The following TANC1 variants were observed in gnomAD, a reference collection of about 807,000 sequenced individuals.
TANC1 encodes protein TANC1.
TANC1 carries 77 observed loss-of-function variants against 149.7 expected under a neutral mutation model. That is an observed-to-expected ratio of 0.51 (90% CI 0.43 to 0.62). The LOEUF (loss-of-function observed/expected upper bound fraction) is 0.62, where lower values mean the gene tolerates loss of function less well. Ranked by LOEUF, TANC1 falls within the 20% of genes least tolerant of loss-of-function variation. The pLI is 0.00. For synonymous variants in TANC1, 854 were observed against 925.0 expected (o/e 0.92, Z 1.39); for missense variants, 1,985 against 2,321.8 (o/e 0.85, Z 2.98).
rs2047964719 is a variant in TANC1, at chr2:159,113,573, T to G, written c.259+15739T>G. Among the ~76,000 whole-genome samples, 3 of 152,188 alleles carry G rather than the reference T, an allele frequency of 2.0e-5. No homozygotes were observed. The South Asian group carries it at 6.2e-4, about 32-fold the overall frequency. ...ATGTTCCATCAAACTGGTCCTGACA[T>G]CTGAGATTGGGGTAAATCGCCCCTT... On this transcript the variant is annotated intron_variant, in intron 4 of 26. Coordinates refer to ENST00000263635, the MANE Select transcript of TANC1 (RefSeq NM_033394.3).
At chr2:159,120,933 C>A (rs1410478476) in intron 4 of TANC1, among the ~76,000 whole-genome samples, 1 of 152,054 alleles carries the variant, frequency 6.6e-6, no homozygotes, top group Non-Finnish European at 1.5e-5. Context: ...GCAGTTGAGG[C>A]CCACCTAGAT....
intron 4 of TANC1, among the ~76,000 whole-genome samples, chr2:159,114,943 T>C (rs1227474129): frequency 6.6e-6 from 1 of 152,214 alleles, no homozygotes; most frequent in African/African-American, 2.4e-5. Context: ...CGCAGTGATT[T>C]CATGAGCTTC....
chr2:159,105,776 A>C (rs1432338217), intron 4 of TANC1, among the ~76,000 whole-genome samples: 1 of 152,212 alleles, frequency 6.6e-6, no homozygotes, highest in African/African-American at 2.4e-5. Flanking sequence ...TTATCAGACT[A>C]TGAAAGTGAG....
At chr2:159,066,118 A>G (rs903984017) in intron 3 of TANC1, 147 bp downstream of exon 3, 22 of 704,470 alleles carry the variant, frequency 3.1e-5, no homozygotes, top group Non-Finnish European at 4.2e-5. Context: ...GCTATGAGAA[A>G]TGAAATAGGC....
Position 159,217,639 on chromosome 2 carries a change from G to A in TANC1, c.3378+9G>A, listed in dbSNP as rs878983404. ...GCCAGGGGCATTGGCAGGTACCCAG[G>A]GGGCCCCTGAATGCTTCAGAAGCAA... is the stretch of plus-strand genomic sequence containing the variant. On this transcript the variant is annotated intron_variant, in intron 20 of 26. Transcript: ENST00000263635. 6.2e-7 allele frequency: 1 copy of A among 1,613,778 alleles called. No individual in the cohort carries two copies. Among genetic ancestry groups the A allele is most frequent in the South Asian group, 1.1e-5 (1 of 91,062 alleles).
intron 5 of TANC1, among the ~76,000 whole-genome samples, chr2:159,147,303 A>T (rs2052243012): frequency 6.6e-6 from 1 of 152,172 alleles, no homozygotes; most frequent in Non-Finnish European, 1.5e-5. Context: ...TGGAGTGGAG[A>T]AACTGCGGAG....
At chr2:159,203,861 G>A (rs1271215081) in intron 19 of TANC1, among the ~76,000 whole-genome samples, 1 of 152,196 alleles carries the variant, frequency 6.6e-6, no homozygotes, top group African/African-American at 2.4e-5. Flanking sequence ...ACAGGCATGA[G>A]CCACCACACC....
chr2:159,095,017 C>T (rs2045953353), intron 3 of TANC1, among the ~76,000 whole-genome samples: 1 of 150,088 alleles, frequency 6.7e-6, no homozygotes, highest in East Asian at 2.0e-4. Context: ...GTGATCTCGG[C>T]TCACTGCAAC....
At chr2:159,085,913 T>A (rs1559230376) in intron 3 of TANC1, among the ~76,000 whole-genome samples, 1 of 152,200 alleles carries the variant, frequency 6.6e-6, no homozygotes, top group African/African-American at 2.4e-5. Context: ...TCAATGTAAA[T>A]CCTGTCATGT....
intron 7 of TANC1, among the ~76,000 whole-genome samples, chr2:159,157,967 C>A (rs1176154680): frequency 6.6e-6 from 1 of 152,074 alleles, no homozygotes; most frequent in Non-Finnish European, 1.5e-5. Flanking sequence ...TCTCAAAATG[C>A]GTATTTTCTA....
rs528759483 is a variant in TANC1, at chr2:159,119,705, A to G, written c.260-16489A>G. Reference sequence around the variant, plus strand: ...ACGATGGCCTGGGTTGCTGCAGGGGACGGCAGCAGGCACTCTTAGGAGGTG... The same window carrying G: ...ACGATGGCCTGGGTTGCTGCAGGGGGCGGCAGCAGGCACTCTTAGGAGGTG... On this transcript the variant is annotated intron_variant, in intron 4 of 26. Coordinates refer to ENST00000263635, the MANE Select transcript of TANC1 (RefSeq NM_033394.3). 8.2e-4 allele frequency among the ~76,000 whole-genome samples: 125 copies of G among 152,216 alleles called. 1 individual carries two copies. The highest frequency in any genetic ancestry group is 3.0e-3 in the African/African-American group (124 of 41,544).
At chr2:159,137,130 C>T (rs746988406) in intron 5 of TANC1, among the ~76,000 whole-genome samples, 2 of 152,190 alleles carry the variant, frequency 1.3e-5, no homozygotes, top group Non-Finnish European at 2.9e-5. Flanking sequence ...AAAGAGAACT[C>T]AACCATATTT....
At chr2:159,046,912 A>G (rs1005180883) in intron 2 of TANC1, among the ~76,000 whole-genome samples, 47 of 151,932 alleles carry the variant, frequency 3.1e-4, no homozygotes, top group African/African-American at 1.1e-3. Flanking sequence ...GCCCCTTTGC[A>G]CCATACTCGA....
intron 4 of TANC1, among the ~76,000 whole-genome samples, chr2:159,119,915 T>C (rs933915068): frequency 1.3e-5 from 2 of 152,222 alleles, no homozygotes; most frequent in African/African-American, 4.8e-5. Flanking sequence ...AAGCATGTGC[T>C]TGCCAGTGTG....
At chr2:159,149,356 G>T (rs1315293758) in intron 6 of TANC1, 84 bp downstream of exon 6, 1 of 1,581,796 alleles carries the variant, frequency 6.3e-7, no homozygotes, top group Non-Finnish European at 8.7e-7. Context: ...TCCTTGAGCA[G>T]GGAAGCCATT....
At chr2:159,172,357 T>A in intron 11 of TANC1, 85 bp downstream of exon 11, 2 of 1,273,430 alleles carry the variant, frequency 1.6e-6, no homozygotes, top group Non-Finnish European at 2.2e-6. Flanking sequence ...AAAGGGAGCT[T>A]AAAACAGAGA....
chr2:159,001,521 C>G lies in TANC1; in HGVS notation c.-16+332C>G, dbSNP rs1050760387. The stretch of plus-strand genomic sequence containing the variant: ...ATGGTTAAAACGGTAAATTTTATGT[C>G]TATTTTATCACAATGAAAAATAAAA... On this transcript the variant is annotated intron_variant, in intron 2 of 26. Transcript: ENST00000263635. The surrounding 1 kb of genome is among the most constrained non-coding windows in gnomAD (Gnocchi z 4.3). Among the ~76,000 whole-genome samples the G allele has an allele frequency of 6.6e-6, 1 of 152,102 alleles. No homozygotes were observed. Among genetic ancestry groups the G allele is most frequent in the African/African-American group, 2.4e-5 (1 of 41,420 alleles).
Position 159,021,619 on chromosome 2 carries a change from A to AAAAG in TANC1, c.-16+20454_-16+20457dup, listed in dbSNP as rs113106796. On this transcript the variant is annotated intron_variant, in intron 2 of 26. Transcript: ENST00000263635. ...ATGTAACGAGACCCTATCTCTTTAA[A>AAAAG]AAAGAAAGAAAGAAAGAAAGAAAGA... Among the ~76,000 whole-genome samples, 563 of 152,166 alleles carry AAAAG rather than the reference A, an allele frequency of 3.7e-3. 5 individuals are homozygous for AAAAG. The highest frequency in any genetic ancestry group is 0.016 in the East Asian group (85 of 5,178).
chr2:159,135,987 G>A (rs1047555043), intron 4 of TANC1, among the ~76,000 whole-genome samples: 5 of 143,558 alleles, frequency 3.5e-5, no homozygotes, highest in South Asian at 2.3e-4. Context: ...ACGTTCCCTC[G>A]TCTGTACTGA....
Sources: allele counts gnomAD v4.1 joint callset (sites outside exome capture counted in the v4.1 genomes callset), GRCh38; gene constraint gnomAD v4.1.1; non-coding constraint Gnocchi (gnomAD v3.1); transcripts MANE v1.5; gene names NCBI Gene and HGNC (gene_info 2026-07-23, HGNC 2026-07-21).